Variants in KDM4B observed in about 807,000 individuals in gnomAD.
KDM4B encodes the protein lysine-specific demethylase 4B.
Under a neutral mutation model 125.2 loss-of-function variants are expected in KDM4B, and 32 were observed. The observed-to-expected ratio is 0.26, with a 90% CI of 0.19 to 0.34. KDM4B has a LOEUF of 0.34. KDM4B is among the 10% of genes least tolerant of loss of function. The pLI is 1.00. For missense variants in KDM4B, 1,190 were observed against 1,577.7 expected, an observed-to-expected ratio of 0.75 and a Z score of 4.16; for synonymous variants, 721 against 677.9, an observed-to-expected ratio of 1.06 and a Z score of -0.99.
chr19:5,137,816 G>A (rs1353932693), intron 17 of KDM4B, 140 bp downstream of exon 17: 35 of 1,047,646 alleles, frequency 3.3e-5, no homozygotes, highest in Non-Finnish European at 4.8e-5. Context: ...GGGGTGGCCA[G>A]GGCTGAGGAG....
intron 11 of KDM4B, among the ~76,000 whole-genome samples, chr19:5,125,350 G>T (rs1432823080): frequency 2.6e-5 from 4 of 152,188 alleles, no homozygotes; most frequent in African/African-American, 9.7e-5. Context: ...GAACCAGGGG[G>T]TCCTGGTTCT....
chr19:5,042,837 G>GA (rs551781003), intron 5 of KDM4B, among the ~76,000 whole-genome samples: 29 of 151,726 alleles, frequency 1.9e-4, no homozygotes, highest in Non-Finnish European at 4.0e-4. Flanking sequence ...CCGACACCGG[G>GA]ACCTGCAGTT....
At chr19:5,133,245 C>A (rs769099515) in intron 13 of KDM4B, among the ~76,000 whole-genome samples, 1 of 152,168 alleles carries the variant, frequency 6.6e-6, no homozygotes, top group Admixed American at 6.5e-5. Context: ...GAGACCGCCG[C>A]GGCTTCTCAG....
At chr19:4,983,535 C>T (rs1315344012) in intron 1 of KDM4B, among the ~76,000 whole-genome samples, 1 of 152,232 alleles carries the variant, frequency 6.6e-6, no homozygotes, top group Non-Finnish European at 1.5e-5. Context: ...GAGCACTGAA[C>T]CGTGGACTGG....
At chr19:5,146,808 G>A (rs914481362) in intron 21 of KDM4B, among the ~76,000 whole-genome samples, 4 of 137,516 alleles carry the variant, frequency 2.9e-5, no homozygotes, top group Non-Finnish European at 4.5e-5. Context: ...GGGCATGGTA[G>A]TGTGCGCGTG....
At chr19:5,071,860 A>T (rs543192182) in intron 7 of KDM4B, among the ~76,000 whole-genome samples, 1 of 152,342 alleles carries the variant, frequency 6.6e-6, no homozygotes, top group East Asian at 1.9e-4. Context: ...TCATGAAAAG[A>T]CACAGCTGGC....
At chr19:5,072,078 T>C (rs1028844581) in intron 7 of KDM4B, among the ~76,000 whole-genome samples, 31 of 152,166 alleles carry the variant, frequency 2.0e-4, no homozygotes, top group African/African-American at 6.0e-4. Context: ...CCACAGCTTT[T>C]CCAGGAGCTC....
chr19:4,976,282 T>G (rs917849548), intron 1 of KDM4B, among the ~76,000 whole-genome samples: 5 of 149,308 alleles, frequency 3.3e-5, no homozygotes, highest in Admixed American at 1.3e-4. Context: ...ATGGGTCATT[T>G]CAAGGATCCT....
At position 5,032,949 on chromosome 19, in the gene KDM4B, C is replaced by A; in HGVS notation, c.59C>A (p.Pro20Gln). ...NPSCKIMTFRPTMEEFKDFNK... is the reference protein window; with the variant it reads ...NPSCKIMTFRQTMEEFKDFNK... ...AGCTGTAAAATCATGACGTTTCGCC[C>A]AACCATGGAAGAATTTAAAGACTTC... Residue 20 changes from proline (P) to glutamine (Q), a missense_variant, in exon 3 of 23, where the codon CCA (proline) becomes CAA (glutamine). Physicochemically the swap from Pro to Gln is moderately conservative, Grantham distance 76 (BLOSUM62 -1). Transcript: ENST00000159111. 1 of 1,614,190 alleles carries A rather than the reference C, an allele frequency of 6.2e-7. No individual in the cohort carries two copies.
Position 5,119,662 on chromosome 19 carries a change from G to T in KDM4B, c.1125G>T (p.Arg375=). 6.4e-7 allele frequency: 1 copy of T among 1,555,670 alleles called. No homozygotes were observed. The highest frequency in any genetic ancestry group is 2.4e-5 in the East Asian group (1 of 41,174). ...AAACCTCCCTCTCCAGGTCTCACCGGAAACGGAGCCAGCCCAAGAAGCCGA... is the reference window on the plus strand; with the variant it reads ...AAACCTCCCTCTCCAGGTCTCACCGTAAACGGAGCCAGCCCAAGAAGCCGA... ...LKAKLLRRSH[R]KRSQPKKPKP... Residue 375 remains arginine, a synonymous_variant, in exon 11 of 23, where the codon CGG becomes CGT. Coordinates refer to ENST00000159111, the MANE Select transcript of KDM4B (RefSeq NM_015015.3).
At chr19:5,134,658 A>G (rs2039617122) in intron 14 of KDM4B, among the ~76,000 whole-genome samples, 1 of 152,140 alleles carries the variant, frequency 6.6e-6, no homozygotes, top group Admixed American at 6.5e-5. Context: ...ACCTGGCCAC[A>G]TGCTTTGCAC....
At chr19:5,123,478 G>A (rs1249182858) in intron 11 of KDM4B, among the ~76,000 whole-genome samples, 1 of 152,278 alleles carries the variant, frequency 6.6e-6, no homozygotes, top group African/African-American at 2.4e-5. Context: ...CCGCCCCAAG[G>A]GTCTCATCAT....
At position 5,144,318 on chromosome 19, in the gene KDM4B, G is replaced by T; in HGVS notation, c.2807G>T (p.Arg936Leu). The change falls in exon 20 of 23, where the codon CGC becomes CTC. Residue 936 changes from arginine to leucine, a missense_variant. Physicochemically the swap from Arg to Leu is moderately radical, Grantham distance 102. This residue lies in a region of KDM4B where 298 missense variants were observed against 439.7 expected (regional missense o/e 0.68). Coordinates refer to ENST00000159111, the MANE Select transcript of KDM4B (RefSeq NM_015015.3). ...AAGAACCGCAACGGGCTGTACTACC[G>T]CTGTCGCGTCATCGGTGCCGCCTCG... ...ITKNRNGLYY[R>L]CRVIGAASQT... is the part of the protein sequence containing the mutation. The T allele has an allele frequency of 1.3e-6, 2 of 1,585,604 alleles. No individual in the cohort carries two copies. The highest frequency in any genetic ancestry group is 1.7e-6 in the Non-Finnish European group (2 of 1,166,322).
At chr19:5,092,074 G>A (rs78184977) in intron 9 of KDM4B, among the ~76,000 whole-genome samples, 2,917 of 152,296 alleles carry the variant, frequency 0.019, 81 homozygotes, top group African/African-American at 0.066. Context: ...CAGGCGGAGC[G>A]GATCCCGGGC....
chr19:5,106,767 G>A (rs1057246710), intron 9 of KDM4B, among the ~76,000 whole-genome samples: 2 of 152,168 alleles, frequency 1.3e-5, no homozygotes, highest in East Asian at 1.9e-4. Context: ...CAAGAGGGGG[G>A]GCCTTGCTTT....
chr19:4,983,171 C>T (rs1257527640), intron 1 of KDM4B, among the ~76,000 whole-genome samples: 2 of 136,004 alleles, frequency 1.5e-5, no homozygotes, highest in Non-Finnish European at 3.1e-5. Flanking sequence ...CTTTGACATT[C>T]ATTGTGTATT....
intron 9 of KDM4B, among the ~76,000 whole-genome samples, chr19:5,093,709 G>A (rs1290415861): frequency 6.6e-6 from 1 of 152,232 alleles, no homozygotes; most frequent in African/African-American, 2.4e-5. Flanking sequence ...CGAGATGGCT[G>A]TGAGAGGAGT....
intron 6 of KDM4B, among the ~76,000 whole-genome samples, chr19:5,057,065 T>TGTGTGTGTGTGTGCGC (rs55806859): frequency 3.1e-5 from 4 of 128,322 alleles, no homozygotes; most frequent in African/African-American, 1.3e-4. Flanking sequence ...TGTGTGTGTG[T>TGTGTGTGTGTGTGCGC]GCGCGCGCGC....
chr19:5,147,025 G>A (rs2039864170), intron 21 of KDM4B, among the ~76,000 whole-genome samples: 1 of 150,906 alleles, frequency 6.6e-6, no homozygotes, highest in Non-Finnish European at 1.5e-5. Context: ...TGGGGTCTGT[G>A]TGACAGTGAC....
Sources: gnomAD v4.1 joint callset for allele counts (sites outside exome capture counted in the v4.1 genomes callset) on GRCh38, gnomAD v4.1.1 for gene constraint, gnomAD v4.1.1 regional missense constraint, MANE v1.5 for transcripts, NCBI Gene and HGNC (gene_info 2026-07-23, HGNC 2026-07-21) for gene names.